The following CTNNA3 variants were observed in gnomAD, a reference collection of about 807,000 sequenced individuals.
CTNNA3 encodes the protein catenin alpha-3.
A neutral mutation model predicts 95.7 loss-of-function variants in CTNNA3; 76 were observed. The ratio of observed to expected loss-of-function variants is 0.79; its 90% CI spans 0.66 to 0.96. The LOEUF (loss-of-function observed/expected upper bound fraction) is 0.96. Ranked by LOEUF, CTNNA3 falls within the 40% of genes least tolerant of loss-of-function variation. The pLI, the probability that CTNNA3 is intolerant of heterozygous loss-of-function variation, is 0.00. For missense variants in CTNNA3, 1,191 were observed against 1,089.8 expected (o/e 1.09, Z -1.31); for synonymous variants, 431 against 374.4 (o/e 1.15, Z -1.74).
intron 13 of CTNNA3, among the ~76,000 whole-genome samples, chr10:66,277,096 G>A (rs4576715): frequency 0.32 from 47,996 of 151,834 alleles, 8,843 homozygotes; most frequent in African/African-American, 0.51. Context: ...TACACACTGA[G>A]TCCAGTGGAA....
At chr10:66,460,479 C>T (rs2093521796) in intron 11 of CTNNA3, among the ~76,000 whole-genome samples, 1 of 152,108 alleles carries the variant, frequency 6.6e-6, no homozygotes, top group Non-Finnish European at 1.5e-5. Context: ...GACTTCTTGG[C>T]TATGGGTAAT....
chr10:66,596,482 T>C (rs1257262193), intron 10 of CTNNA3, among the ~76,000 whole-genome samples: 5 of 152,138 alleles, frequency 3.3e-5, no homozygotes, highest in African/African-American at 4.8e-5. Context: ...AGTCATACTA[T>C]ATTAAACAAT....
At chr10:67,051,042 A>C (rs1346532197) in intron 7 of CTNNA3, among the ~76,000 whole-genome samples, 1 of 152,218 alleles carries the variant, frequency 6.6e-6, no homozygotes, top group African/African-American at 2.4e-5. Context: ...TTCTGTTTTC[A>C]AGAACCTTAC....
intron 6 of CTNNA3, among the ~76,000 whole-genome samples, chr10:67,183,022 TA>T (rs1448633147): frequency 6.6e-6 from 1 of 152,136 alleles, no homozygotes; most frequent in South Asian, 2.1e-4. Context: ...TGGCGATCAT[TA>T]AAAATTCAAG....
At chr10:67,365,217 A>AG (rs1843160903) in intron 5 of CTNNA3, among the ~76,000 whole-genome samples, 1 of 151,708 alleles carries the variant, frequency 6.6e-6, no homozygotes, top group Non-Finnish European at 1.5e-5. Flanking sequence ...CTTATACAAA[A>AG]AATAACTCAA....
intron 15 of CTNNA3, among the ~76,000 whole-genome samples, chr10:66,066,908 T>C (rs917053821): frequency 6.6e-6 from 1 of 152,158 alleles, no homozygotes; most frequent in Non-Finnish European, 1.5e-5. Context: ...TTCTATAGAC[T>C]CTTTTCATGT....
At chr10:66,845,437 C>T (rs1843209462) in intron 7 of CTNNA3, among the ~76,000 whole-genome samples, 1 of 152,122 alleles carries the variant, frequency 6.6e-6, no homozygotes, top group Admixed American at 6.6e-5. Flanking sequence ...GGTGCGGTGG[C>T]TCACGCCCGT....
chr10:67,571,642 C>A (rs915591643), intron 3 of CTNNA3, among the ~76,000 whole-genome samples: 6 of 152,038 alleles, frequency 3.9e-5, no homozygotes, highest in Non-Finnish European at 5.9e-5. Flanking sequence ...AGTAGCAGAA[C>A]CTAAGATGGA....
intron 5 of CTNNA3, among the ~76,000 whole-genome samples, chr10:67,338,597 C>A (rs1842074644): frequency 6.6e-6 from 1 of 152,122 alleles, no homozygotes; most frequent in South Asian, 2.1e-4. Flanking sequence ...ATGGCAATCA[C>A]TGATAAGGAA....
intron 17 of CTNNA3, among the ~76,000 whole-genome samples, chr10:65,941,041 T>C (rs1174921424): frequency 1.3e-5 from 2 of 152,240 alleles, no homozygotes; most frequent in Admixed American, 1.3e-4. Context: ...TTACTTATCC[T>C]TTCCAAGACC....
At chr10:67,467,875 T>C (rs1326718653) in intron 5 of CTNNA3, among the ~76,000 whole-genome samples, 3 of 151,900 alleles carry the variant, frequency 2.0e-5, no homozygotes, top group African/African-American at 7.3e-5. Context: ...CATGCCTGGC[T>C]AATTTTTGTA....
chr10:66,611,501 G>T (rs979769022), intron 10 of CTNNA3, among the ~76,000 whole-genome samples: 1 of 152,068 alleles, frequency 6.6e-6, no homozygotes, highest in Admixed American at 6.6e-5. Context: ...TCTGCAAGGT[G>T]GAGCTTCCCA....
chr10:66,671,604 TA>T, intron 9 of CTNNA3, among the ~76,000 whole-genome samples: 1 of 152,300 alleles, frequency 6.6e-6, no homozygotes, highest in Non-Finnish European at 1.5e-5. Context: ...ATAATAATTG[TA>T]ATGAAAATGT....
chr10:66,275,276 C>T (rs561465558), intron 13 of CTNNA3, among the ~76,000 whole-genome samples: 1 of 152,224 alleles, frequency 6.6e-6, no homozygotes, highest in African/African-American at 2.4e-5. Flanking sequence ...CACCATCATG[C>T]CCAGCTAATT....
chr10:67,241,876 C>A (rs997515518), intron 5 of CTNNA3, among the ~76,000 whole-genome samples: 1 of 152,112 alleles, frequency 6.6e-6, no homozygotes, highest in Non-Finnish European at 1.5e-5. Context: ...ATTTACCAAG[C>A]AGCTATGATG....
At chr10:66,255,442 C>A (rs1056018438) in intron 13 of CTNNA3, among the ~76,000 whole-genome samples, 1 of 152,100 alleles carries the variant, frequency 6.6e-6, no homozygotes, top group Non-Finnish European at 1.5e-5. Context: ...TATTCAGAGA[C>A]CCCATATGTT....
intron 11 of CTNNA3, among the ~76,000 whole-genome samples, chr10:66,407,518 T>C (rs2093067387): frequency 1.3e-5 from 2 of 152,150 alleles, no homozygotes; most frequent in South Asian, 4.1e-4. Context: ...GTTCTTTAAT[T>C]AGCTGTGGCT....
chr10:66,735,350 A>G (rs2132677951), intron 9 of CTNNA3, among the ~76,000 whole-genome samples: 1 of 152,032 alleles, frequency 6.6e-6, no homozygotes, highest in Non-Finnish European at 1.5e-5. Flanking sequence ...CCAAATTCTT[A>G]TTTAGAGGTA....
At chr10:67,641,196 G>A (rs949545128) in intron 2 of CTNNA3, among the ~76,000 whole-genome samples, 6 of 152,108 alleles carry the variant, frequency 3.9e-5, no homozygotes, top group African/African-American at 1.4e-4. Flanking sequence ...AGTGGGCAAA[G>A]GATATGAACA....
Sources: allele counts gnomAD v4.1 joint callset (sites outside exome capture counted in the v4.1 genomes callset), GRCh38; gene constraint gnomAD v4.1.1; transcripts MANE v1.5; gene names NCBI Gene and HGNC (gene_info 2026-07-23, HGNC 2026-07-21).